TRPM1: variants seen among roughly 807,000 people sequenced by gnomAD.
TRPM1 encodes transient receptor potential cation channel subfamily M member 1.
A neutral mutation model predicts 149.4 loss-of-function variants in TRPM1; 113 were observed. That is an observed-to-expected ratio of 0.76 (90% CI 0.65 to 0.88). The LOEUF is 0.88. Ranked by LOEUF, TRPM1 falls within the 40% of genes least tolerant of loss-of-function variation. The probability of loss-of-function intolerance (pLI) is 0.00; values close to 1 mark genes in which losing one functional copy is unlikely to be tolerated. For missense variants in TRPM1, 1,976 were observed against 2,038.7 expected, an observed-to-expected ratio of 0.97 and a Z score of 0.59; for synonymous variants, 741 against 759.5, an observed-to-expected ratio of 0.98 and a Z score of 0.40.
At chr15:31,129,055 T>G (rs2035986385) in intron 1 of TRPM1, among the ~76,000 whole-genome samples, 1 of 152,218 alleles carries the variant, frequency 6.6e-6, no homozygotes. Flanking sequence ...GGAAGCCTGC[T>G]GGAGGCTCAC....
At chr15:31,026,111 G>A (rs1359718215) in intron 27 of TRPM1, 28 bp downstream of exon 27, 14 of 1,608,476 alleles carry the variant, frequency 8.7e-6, no homozygotes, top group East Asian at 4.5e-5. Flanking sequence ...CTTGGCTCAC[G>A]GGCCCGCGGT....
chr15:31,101,564 G>T, intron 1 of TRPM1, 93 bp downstream of exon 1: 1 of 760,818 alleles, frequency 1.3e-6, no homozygotes, highest in Non-Finnish European at 1.6e-6. Flanking sequence ...GTGGTTATCT[G>T]CACCTGAGTT....
intron 1 of TRPM1, among the ~76,000 whole-genome samples, chr15:31,152,126 C>A (rs985860419): frequency 6.6e-6 from 1 of 152,178 alleles, no homozygotes; most frequent in African/African-American, 2.4e-5. Flanking sequence ...CTATAGCACA[C>A]CCTACCCCAA....
intron 1 of TRPM1, among the ~76,000 whole-genome samples, chr15:31,132,079 T>C (rs34567587): frequency 0.17 from 25,316 of 152,204 alleles, 2,541 homozygotes; most frequent in Admixed American, 0.22. Flanking sequence ...AGCCAGCTGT[T>C]ACGCCGTGTT....
In TRPM1 at chr15:31,026,262, A is replaced by C. The variant is rs1267263830; in HGVS notation, c.3506T>G (p.Leu1169Arg). 1.4e-5 allele frequency: 22 copies of C among 1,610,772 alleles called. No individual in the cohort carries two copies. Among genetic ancestry groups the C allele is most frequent in the Non-Finnish European group, 1.8e-5 (21 of 1,180,026 alleles). ...EERDRGLKLF[L>R]SDEELKRLHE... is the part of the protein sequence containing the mutation. Reference sequence around the variant, plus strand: ...CAGCCTCTTTAGCTCCTCGTCGCTAAGGAAGAGCTCTGTGTGAAGGGAGAA... The same window carrying C: ...CAGCCTCTTTAGCTCCTCGTCGCTACGGAAGAGCTCTGTGTGAAGGGAGAA... The change falls in exon 27 of 28, where the codon CTT (leucine) becomes CGT (arginine). Residue 1169 changes from leucine to arginine, a missense_variant. Around this residue, in one of 3 missense-constraint regions of TRPM1, gnomAD observed 572 missense variants for 578.9 expected, o/e 0.99. Transcript: ENST00000256552.
intron 27 of TRPM1, among the ~76,000 whole-genome samples, chr15:31,006,845 GT>G (rs1358504000): frequency 1.3e-5 from 2 of 151,894 alleles, no homozygotes; most frequent in African/African-American, 4.8e-5. Flanking sequence ...TCTCATTCTG[GT>G]TTTAATTTTC....
intron 16 of TRPM1, among the ~76,000 whole-genome samples, chr15:31,044,127 T>C (rs2033697820): frequency 6.6e-6 from 1 of 152,226 alleles, no homozygotes; most frequent in Non-Finnish European, 1.5e-5. Flanking sequence ...CACTTCTAAA[T>C]AACTCTTGGA....
intron 1 of TRPM1, among the ~76,000 whole-genome samples, chr15:31,124,362 A>G (rs1310843097): frequency 6.6e-6 from 1 of 152,204 alleles, no homozygotes; most frequent in African/African-American, 2.4e-5. Flanking sequence ...AGTCAAAGAA[A>G]TCAATCTGAG....
chr15:31,029,891 TA>T (rs984387935), intron 23 of TRPM1, among the ~76,000 whole-genome samples: 17 of 148,864 alleles, frequency 1.1e-4, no homozygotes, highest in Non-Finnish European at 1.8e-4. Context: ...CAATTTAATT[TA>T]AAAAAAAAAG....
intron 1 of TRPM1, among the ~76,000 whole-genome samples, chr15:31,106,758 C>T (rs961974622): frequency 6.6e-6 from 1 of 152,126 alleles, no homozygotes; most frequent in African/African-American, 2.4e-5. Context: ...GCCACATGTC[C>T]TTTTGCATTT....
chr15:31,026,389 A>G (rs1255933588), intron 26 of TRPM1, 118 bp from the exon 27 acceptor site: 1 of 1,217,320 alleles, frequency 8.2e-7, no homozygotes, highest in Admixed American at 2.0e-5. Flanking sequence ...CTCCTAAGGC[A>G]GTTCGCCACT....
Position 31,126,967 on chromosome 15 carries a change from AAAAC to A in TRPM1, c.54+33935_54+33938del, listed in dbSNP as rs71420550. 6.9e-4 allele frequency among the ~76,000 whole-genome samples: 104 copies of A among 150,678 alleles called. 1 individual carries two copies. The South Asian group carries it at 9.1e-3, about 13-fold the overall frequency. On this transcript the variant is annotated intron_variant, in intron 1 of 26. Transcript: ENST00000542188. Reference sequence around the variant, plus strand: ...AGACGACAGAGTGAGATCCTGTCTCAAAACAAACAAACAAACAAACAAACAAACA... The same window carrying A: ...AGACGACAGAGTGAGATCCTGTCTCAAAACAAACAAACAAACAAACAAACA...
rs371126534 is a variant in TRPM1, at chr15:31,002,230, C to T, written c.4470G>A (p.Thr1490=). Residue 1490 remains threonine, a synonymous_variant, in exon 28 of 28, where the codon ACG becomes ACA. Coordinates refer to ENST00000256552, the MANE Select transcript of TRPM1 (RefSeq NM_001252024.2). ...YSSITDQQLT[T]EWQCQVQKIT... is the part of the protein sequence containing the mutation. ...TCTTTTGAACTTGGCATTGCCATTC[C>T]GTCGTCAATTGCTGGTCCGTGATTG... is the stretch of plus-strand genomic sequence containing the variant. 128 of 1,614,110 alleles carry T rather than the reference C, an allele frequency of 7.9e-5. No homozygotes were observed. Among genetic ancestry groups the T allele is most frequent in the Non-Finnish European group, 1.1e-4 (126 of 1,180,050 alleles).
chr15:31,016,326 T>C (rs530027409), intron 27 of TRPM1, among the ~76,000 whole-genome samples: 8 of 152,380 alleles, frequency 5.3e-5, no homozygotes, highest in East Asian at 3.8e-4. Flanking sequence ...TTTCTTTGAA[T>C]AGTGGTACTT....
intron 11 of TRPM1, among the ~76,000 whole-genome samples, chr15:31,053,119 A>G (rs1355521531): frequency 6.6e-6 from 1 of 152,332 alleles, no homozygotes; most frequent in Admixed American, 6.5e-5. Flanking sequence ...TTGAATAGAC[A>G]TTTCTACAAA....
At chr15:31,039,239 A>G (rs1446982380) in intron 18 of TRPM1, among the ~76,000 whole-genome samples, 1 of 152,076 alleles carries the variant, frequency 6.6e-6, no homozygotes, top group Admixed American at 6.6e-5. Context: ...TGCCAATTTG[A>G]TGTTCATCCC....
At chr15:31,104,483 T>C (rs1270095305), upstream of TRPM1, among the ~76,000 whole-genome samples, 4 of 152,028 alleles carry the variant, frequency 2.6e-5, no homozygotes, top group African/African-American at 7.2e-5. Flanking sequence ...TTGGTGGTAG[T>C]GTGTCCTTCT....
At chr15:31,046,269 A>T (rs1330140907) in intron 15 of TRPM1, 36 bp from the exon 16 acceptor site, 1 of 1,598,642 alleles carries the variant, frequency 6.3e-7, no homozygotes, top group African/African-American at 1.4e-5. Flanking sequence ...AAATCAATTT[A>T]CTTAGATAAC....
intron 22 of TRPM1, chr15:31,031,404 T>C (rs1469204891): frequency 1.7e-6 from 1 of 577,404 alleles, no homozygotes; most frequent in Admixed American, 3.0e-5. Context: ...GCTTCTTCTC[T>C]GTTGTTGCCC....
Sources: allele counts gnomAD v4.1 joint callset (sites outside exome capture counted in the v4.1 genomes callset), GRCh38; gene constraint gnomAD v4.1.1; regional missense constraint gnomAD v4.1.1; transcripts MANE v1.5; gene names NCBI Gene and HGNC (gene_info 2026-07-23, HGNC 2026-07-21).